Variants in ANKRD17 observed in about 807,000 individuals in gnomAD.
ANKRD17 encodes ankyrin repeat domain-containing protein 17.
Under a neutral mutation model 229.7 loss-of-function variants are expected in ANKRD17, and 19 were observed. That is an observed-to-expected ratio of 0.08 (90% CI 0.06 to 0.12). The LOEUF is 0.12. ANKRD17 is among the 10% of genes least tolerant of loss of function. ANKRD17 has a pLI of 1.00. For missense variants in ANKRD17, 2,176 were observed against 3,176.8 expected (o/e 0.68, Z 7.57); for synonymous variants, 1,112 against 1,146.1 (o/e 0.97, Z 0.60).
At position 73,091,968 on chromosome 4, in the gene ANKRD17, G is replaced by A; in HGVS notation, c.5660C>T (p.Pro1887Leu). The A allele has an allele frequency of 6.2e-7, 1 of 1,614,196 alleles. No homozygotes were observed. The highest frequency in any genetic ancestry group is 2.2e-5 in the East Asian group (1 of 44,882). The change falls in exon 29 of 34, where the codon CCT (proline) becomes CTT (leucine). Residue 1887 changes from proline (P) to leucine (L), a missense_variant. Coordinates refer to ENST00000358602, the MANE Select transcript of ANKRD17 (RefSeq NM_032217.5). ...FPVSLPLAYP[P>L]PQFAHALLAA... ...AAGCAAAGCATGTGCAAACTGTGGA[G>A]GAGGATATGCTAATGGAAGAGAAAC...
At chr4:73,094,268 A>G (rs1448949471) in intron 27 of ANKRD17, 40 bp from the exon 28 acceptor site, 3 of 1,539,256 alleles carry the variant, frequency 1.9e-6, no homozygotes, top group Non-Finnish European at 2.7e-6. Flanking sequence ...ATTAGTCATT[A>G]ACAATAGTTA....
At chr4:73,164,156 A>G (rs1329191519) in intron 2 of ANKRD17, among the ~76,000 whole-genome samples, 2 of 152,204 alleles carry the variant, frequency 1.3e-5, no homozygotes, top group Non-Finnish European at 2.9e-5. Context: ...TCACAGAAGA[A>G]TTTCCACATG....
At chr4:73,160,151 A>G (rs28373296) in intron 3 of ANKRD17, among the ~76,000 whole-genome samples, 3 of 151,190 alleles carry the variant, frequency 2.0e-5, no homozygotes, top group Non-Finnish European at 4.4e-5. Flanking sequence ...AAATGGTAAC[A>G]TGTATTAATG....
At chr4:73,205,298 A>T (rs1466417350) in intron 1 of ANKRD17, among the ~76,000 whole-genome samples, 14 of 152,180 alleles carry the variant, frequency 9.2e-5, no homozygotes, top group Admixed American at 9.2e-4. Flanking sequence ...AGCCTGGGTG[A>T]CAGAGTAAGA....
At chr4:73,243,216 T>C (rs1578506496) in intron 1 of ANKRD17, among the ~76,000 whole-genome samples, 2 of 152,224 alleles carry the variant, frequency 1.3e-5, no homozygotes, top group East Asian at 3.9e-4. Flanking sequence ...GTGGGGCAAG[T>C]TAGGAGTTTG....
At chr4:73,169,278 C>T (rs1733657064) in intron 2 of ANKRD17, among the ~76,000 whole-genome samples, 1 of 152,106 alleles carries the variant, frequency 6.6e-6, no homozygotes, top group East Asian at 1.9e-4. Flanking sequence ...CACTTAGGAA[C>T]ACTAGACAGC....
intron 2 of ANKRD17, among the ~76,000 whole-genome samples, chr4:73,172,657 A>G (rs1226114912): frequency 2.6e-5 from 4 of 152,164 alleles, no homozygotes; most frequent in African/African-American, 9.7e-5. Flanking sequence ...AAAGTTAAAA[A>G]GTAGCAGACA....
chr4:73,256,914 T>C (rs925832405), intron 1 of ANKRD17, among the ~76,000 whole-genome samples: 4 of 152,236 alleles, frequency 2.6e-5, no homozygotes, highest in African/African-American at 9.6e-5. Flanking sequence ...CTATACAACT[T>C]CATCCAGTCT....
intron 2 of ANKRD17, among the ~76,000 whole-genome samples, chr4:73,174,913 A>G (rs922538320): frequency 1.3e-5 from 2 of 152,208 alleles, no homozygotes; most frequent in African/African-American, 4.8e-5. Flanking sequence ...CTGTTGCAAA[A>G]AATTGAAGAC....
Position 73,102,359 on chromosome 4 carries a change from T to C in ANKRD17, c.4573+17A>G, listed in dbSNP as rs751970449. 7.0e-6 allele frequency: 11 copies of C among 1,572,948 alleles called. No individual in the cohort carries two copies. The highest frequency in any genetic ancestry group is 2.1e-5 in the Admixed American group (1 of 46,620). On this transcript the variant is annotated intron_variant, in intron 25 of 33. Coordinates refer to ENST00000358602, the MANE Select transcript of ANKRD17 (RefSeq NM_032217.5). ...CTAGAATATAAAACAAATGGGATGG[T>C]TGTTAAGAGAAAATACCTTCAACTT...
intron 1 of ANKRD17, among the ~76,000 whole-genome samples, chr4:73,215,207 C>T (rs764371535): frequency 1.3e-5 from 2 of 151,844 alleles, no homozygotes; most frequent in South Asian, 2.1e-4. Flanking sequence ...ATATCTGACA[C>T]GTGACAGCTT....
chr4:73,210,538 G>C (rs1186011942), intron 1 of ANKRD17, among the ~76,000 whole-genome samples: 4 of 152,148 alleles, frequency 2.6e-5, no homozygotes, highest in Admixed American at 2.6e-4. Flanking sequence ...TGGCCAAGAA[G>C]CCACAAGTTT....
At chr4:73,235,872 T>A (rs141026994) in intron 1 of ANKRD17, among the ~76,000 whole-genome samples, 39 of 149,872 alleles carry the variant, frequency 2.6e-4, no homozygotes, top group African/African-American at 8.5e-4. Context: ...TTTTCTTTTT[T>A]TTTTTGGTTT....
intron 1 of ANKRD17, among the ~76,000 whole-genome samples, chr4:73,216,280 T>C (rs1427401009): frequency 6.6e-6 from 1 of 152,184 alleles, no homozygotes; most frequent in East Asian, 1.9e-4. Context: ...ATGTAAATGT[T>C]TTTAAATTTT....
In ANKRD17 at chr4:73,217,730, G is replaced by A. The variant is rs143459393; in HGVS notation, c.394-40197C>T. Among the ~76,000 whole-genome samples the A allele has an allele frequency of 1.7e-3, 265 of 152,136 alleles. 1 individual carries two copies. The highest frequency in any genetic ancestry group is 6.1e-3 in the African/African-American group (252 of 41,494). On this transcript the variant is annotated intron_variant, in intron 1 of 33. Coordinates refer to ENST00000358602, the MANE Select transcript of ANKRD17 (RefSeq NM_032217.5). Reference sequence around the variant, plus strand: ...AGTGAAAACTTCTGCATTTGACCTCGTGTGACAGATCAATCAAAACTTTGT... The same window carrying A: ...AGTGAAAACTTCTGCATTTGACCTCATGTGACAGATCAATCAAAACTTTGT...
chr4:73,122,373 G>A (rs1726858494), intron 18 of ANKRD17, among the ~76,000 whole-genome samples: 1 of 152,122 alleles, frequency 6.6e-6, no homozygotes, highest in African/African-American at 2.4e-5. Flanking sequence ...AGTAGCATGA[G>A]TCTTGGCAAC....
intron 1 of ANKRD17, among the ~76,000 whole-genome samples, chr4:73,192,038 T>G (rs183080852): frequency 1.3e-5 from 2 of 152,188 alleles, no homozygotes; most frequent in Admixed American, 1.3e-4. Context: ...AAAGCAGATT[T>G]ACACATAAAG....
chr4:73,146,979 C>T (rs1730366978), intron 9 of ANKRD17, 106 bp from the exon 10 acceptor site: 22 of 898,358 alleles, frequency 2.4e-5, no homozygotes, highest in Middle Eastern at 2.5e-4. Flanking sequence ...TCAAGTTAAA[C>T]AAATTCAAAC....
chr4:73,159,070 G>A (rs574230034), intron 3 of ANKRD17, among the ~76,000 whole-genome samples: 65 of 152,192 alleles, frequency 4.3e-4, no homozygotes, highest in African/African-American at 1.5e-3. Context: ...ATATTATTAT[G>A]TGCAATACTA....
Sources: allele counts gnomAD v4.1 joint callset (sites outside exome capture counted in the v4.1 genomes callset), GRCh38; gene constraint gnomAD v4.1.1; transcripts MANE v1.5; gene names NCBI Gene and HGNC (gene_info 2026-07-23, HGNC 2026-07-21).